Variants in DYDC1 observed in about 807,000 individuals in gnomAD.
DYDC1 encodes the protein DPY30 domain containing 1.
A neutral mutation model predicts 27.9 loss-of-function variants in DYDC1; 21 were observed. The observed-to-expected ratio is 0.75, with a 90% CI of 0.53 to 1.08. The LOEUF (loss-of-function observed/expected upper bound fraction) is 1.08, where lower values mean the gene tolerates loss of function less well. DYDC1 is among the 50% of genes least tolerant of loss of function. The pLI is 0.00. For missense variants in DYDC1, 202 were observed against 205.9 expected (o/e 0.98, Z 0.12); for synonymous variants, 67 against 65.8 (o/e 1.02, Z -0.09).
At chr10:80,340,505 T>C (rs1361791653) in intron 4 of DYDC1, among the ~76,000 whole-genome samples, 4 of 152,190 alleles carry the variant, frequency 2.6e-5, no homozygotes, top group Non-Finnish European at 5.9e-5. Context: ...TAAAATAACA[T>C]GAGTGTGGCT....
At chr10:80,353,536 C>T (rs1236441178) in intron 1 of DYDC1, among the ~76,000 whole-genome samples, 1 of 151,624 alleles carries the variant, frequency 6.6e-6, no homozygotes, top group Non-Finnish European at 1.5e-5. Context: ...AAAAATTGAT[C>T]ACCCTCAGAT....
In DYDC1 at chr10:80,337,818, A is replaced by T. The variant is rs1469946004; in HGVS notation, c.504+649T>A. On this transcript the variant is annotated intron_variant, in intron 6 of 6. Coordinates refer to ENST00000372202, the MANE Select transcript of DYDC1 (RefSeq NM_001269053.2). ...TGGCTGTCCCCCCTTGTCCGTGTACACCAATTAAAGTGACCAAAATGTACC... is the reference window on the plus strand; with the variant it reads ...TGGCTGTCCCCCCTTGTCCGTGTACTCCAATTAAAGTGACCAAAATGTACC... Among the ~76,000 whole-genome samples, 3 of 152,288 alleles carry T rather than the reference A, an allele frequency of 2.0e-5. No individual in the cohort carries two copies. The East Asian group carries it at 5.8e-4, about 29-fold the overall frequency.
chr10:80,344,557 C>A lies in DYDC1; in HGVS notation c.250-2196G>T, dbSNP rs191700298. On this transcript the variant is annotated intron_variant, in intron 3 of 6. Transcript: ENST00000372202. Reference sequence around the variant, plus strand: ...AGTCTTTGATATGGTTTGGCTATGTCCCCATTCAATTCTCAACTTGAATTG... The same window carrying A: ...AGTCTTTGATATGGTTTGGCTATGTACCCATTCAATTCTCAACTTGAATTG... Among the ~76,000 whole-genome samples, 3 of 152,292 alleles carry A rather than the reference C, an allele frequency of 2.0e-5. No homozygotes were observed. In the East Asian group the frequency reaches 5.8e-4, roughly 29 times the overall value.
chr10:80,336,371 T>C (rs1233738890), intron 6 of DYDC1, 186 bp from the exon 7 acceptor site: 2 of 977,748 alleles, frequency 2.0e-6, no homozygotes, highest in South Asian at 4.7e-5. Flanking sequence ...AAAGTAGTTA[T>C]TGTTCCATCC....
chr10:80,347,677 C>G (rs1286847216), intron 3 of DYDC1, among the ~76,000 whole-genome samples: 1 of 152,136 alleles, frequency 6.6e-6, no homozygotes, highest in Non-Finnish European at 1.5e-5. Flanking sequence ...ATGTGGATAT[C>G]CAGTTGTCCC....
In DYDC1 at chr10:80,351,950, T is replaced by C. The variant is rs1337357457; in HGVS notation, c.200A>G (p.Glu67Gly). The C allele has an allele frequency of 6.2e-7, 1 of 1,614,034 alleles. No homozygotes were observed. Among genetic ancestry groups the C allele is most frequent in the Non-Finnish European group, 8.5e-7 (1 of 1,180,038 alleles). The change falls in exon 3 of 7, where the codon GAG (glutamate) becomes GGG (glycine). Residue 67 changes from glutamate (E) to glycine (G), a missense_variant. Physicochemically the swap from Glu to Gly is moderately conservative, Grantham distance 98. Transcript: ENST00000372202. ...LERERELALM[E>G]QEMMERLKAE... ...TTTGAGCCTCTCCATCATTTCCTGC[T>C]CCATCAGAGCTAATTCTCTTTCACG...
chr10:80,352,325 G>A (rs1843043886), intron 2 of DYDC1, 130 bp downstream of exon 2: 3 of 1,273,598 alleles, frequency 2.4e-6, no homozygotes, highest in South Asian at 2.1e-5. Context: ...TGCTTTTCAT[G>A]TTGTTCAAGT....
At chr10:80,355,832 C>G (rs1057057632) in intron 1 of DYDC1, among the ~76,000 whole-genome samples, 3 of 152,018 alleles carry the variant, frequency 2.0e-5, no homozygotes, top group Admixed American at 1.3e-4. Context: ...GAACCTAATT[C>G]CAAATGAGGT....
At chr10:80,341,651 A>G (rs1166284398) in intron 4 of DYDC1, among the ~76,000 whole-genome samples, 1 of 152,040 alleles carries the variant, frequency 6.6e-6, no homozygotes, top group Non-Finnish European at 1.5e-5. Flanking sequence ...CCTGACTAAA[A>G]TGTTGAGGGT....
At chr10:80,350,970 C>T (rs1842944822) in intron 3 of DYDC1, among the ~76,000 whole-genome samples, 1 of 152,236 alleles carries the variant, frequency 6.6e-6, no homozygotes, top group African/African-American at 2.4e-5. Context: ...ACTCAGACAT[C>T]TGGGCCCAAG....
intron 6 of DYDC1, chr10:80,338,126 A>C (rs1842193380): frequency 1.0e-6 from 1 of 985,350 alleles, no homozygotes; most frequent in African/African-American, 1.7e-5. Context: ...TTAAGGCATT[A>C]ATTTGGTTCC....
intron 3 of DYDC1, among the ~76,000 whole-genome samples, chr10:80,346,201 C>G (rs1018595283): frequency 1.3e-5 from 2 of 152,130 alleles, no homozygotes; most frequent in Non-Finnish European, 2.9e-5. Flanking sequence ...GTTTCCAAAT[C>G]TTGGCTATTG....
Position 80,339,081 on chromosome 10 carries a change from G to A in DYDC1, c.399+16C>T. ...CAATTCATTTCACATAACATAGAAT[G>A]ACTTTTTCTTCTCACCTCTGAATGT... On this transcript the variant is annotated intron_variant, in intron 5 of 6. Coordinates refer to ENST00000372202, the MANE Select transcript of DYDC1 (RefSeq NM_001269053.2). 1 of 1,361,276 alleles carries A rather than the reference G, an allele frequency of 7.3e-7. No homozygotes were observed. Among genetic ancestry groups the A allele is most frequent in the Non-Finnish European group, 9.9e-7 (1 of 1,007,050 alleles). The allele number at this position is 1,361,276 out of a possible 1,614,324, so 84.3% of individuals were successfully genotyped here.
chr10:80,343,622 GA>G (rs1357063048), intron 3 of DYDC1, among the ~76,000 whole-genome samples: 5 of 144,538 alleles, frequency 3.5e-5, no homozygotes, highest in Non-Finnish European at 4.6e-5. Context: ...AAAATTTTGA[GA>G]AAAAAAAAAG....
chr10:80,349,816 CAAAT>C (rs773811720), intron 3 of DYDC1, among the ~76,000 whole-genome samples: 6 of 152,086 alleles, frequency 3.9e-5, no homozygotes, highest in Non-Finnish European at 7.4e-5. Flanking sequence ...CCATTCAAAA[CAAAT>C]AAACAAAAAA....
intron 4 of DYDC1, among the ~76,000 whole-genome samples, chr10:80,340,891 C>T (rs182851931): frequency 2.0e-5 from 3 of 152,280 alleles, no homozygotes; most frequent in Admixed American, 6.5e-5. Context: ...TCCCTGTGCT[C>T]ACACTACACT....
intron 3 of DYDC1, among the ~76,000 whole-genome samples, chr10:80,343,085 T>C (rs889096706): frequency 2.0e-5 from 3 of 151,738 alleles, no homozygotes; most frequent in African/African-American, 7.3e-5. Context: ...CACACTAGAA[T>C]AGGGTTCAGC....
At chr10:80,353,349 A>G (rs934266383) in intron 1 of DYDC1, among the ~76,000 whole-genome samples, 4 of 151,514 alleles carry the variant, frequency 2.6e-5, no homozygotes, top group African/African-American at 9.7e-5. Flanking sequence ...TTTTTAGTAG[A>G]GACAGGGTTT....
intron 2 of DYDC1, 106 bp downstream of exon 2, chr10:80,352,349 A>G: frequency 7.4e-7 from 1 of 1,342,480 alleles, no homozygotes; most frequent in Non-Finnish European, 9.7e-7. Context: ...TGTATAATAA[A>G]CATTATTTTT....
Sources: allele counts gnomAD v4.1 joint callset (sites outside exome capture counted in the v4.1 genomes callset), GRCh38; gene constraint gnomAD v4.1.1; transcripts MANE v1.5; gene names NCBI Gene and HGNC (gene_info 2026-07-23, HGNC 2026-07-21).